Variants in CERT1 observed in about 807,000 individuals in gnomAD.
CERT1 encodes ceramide transporter 1.
CERT1 carries 31 observed loss-of-function variants against 87.9 expected under a neutral mutation model. The ratio of observed to expected loss-of-function variants is 0.35; its 90% confidence interval spans 0.27 to 0.48. CERT1 has a LOEUF of 0.48. Ranked by LOEUF, CERT1 falls within the 20% of genes least tolerant of loss-of-function variation. The pLI, the probability that CERT1 is intolerant of heterozygous loss-of-function variation, is 0.99. For synonymous variants in CERT1, 289 were observed against 250.9 expected (o/e 1.15, Z -1.44); for missense variants, 487 against 758.0 (o/e 0.64, Z 4.20).
intron 3 of CERT1, among the ~76,000 whole-genome samples, chr5:75,428,439 T>C (rs970268508): frequency 6.6e-6 from 1 of 152,076 alleles, no homozygotes; most frequent in African/African-American, 2.4e-5. Context: ...AGCACTTTGG[T>C]AGGCCAAGGC....
intron 8 of CERT1, among the ~76,000 whole-genome samples, chr5:75,407,605 C>T (rs1040242961): frequency 7.3e-5 from 11 of 151,398 alleles, no homozygotes; most frequent in Admixed American, 2.0e-4. Flanking sequence ...AAAAAAGAAA[C>T]GTGGCAGCCA....
intron 1 of CERT1, among the ~76,000 whole-genome samples, chr5:75,509,647 TTA>T (rs942305660): frequency 1.4e-4 from 22 of 152,018 alleles, no homozygotes; most frequent in African/African-American, 3.6e-4. Flanking sequence ...AAAAAAGTAA[TTA>T]TCAGTAGGTC....
chr5:75,450,567 A>C (rs1054034861), intron 3 of CERT1, among the ~76,000 whole-genome samples: 5 of 152,156 alleles, frequency 3.3e-5, no homozygotes, highest in African/African-American at 2.4e-5. Context: ...TCCCGAAGAG[A>C]CTGAGTCTAG....
chr5:75,381,361 C>A (rs1761577755), intron 15 of CERT1, among the ~76,000 whole-genome samples, 160 bp from the exon 16 acceptor site: 1 of 151,892 alleles, frequency 6.6e-6, no homozygotes, highest in Admixed American at 6.6e-5. Context: ...TCCTCCCCAC[C>A]CACTTTTTCT....
At chr5:75,403,213 TCTGTGTA>T (rs1240559501) in intron 8 of CERT1, among the ~76,000 whole-genome samples, 155 bp from the exon 9 acceptor site, 22 of 152,274 alleles carry the variant, frequency 1.4e-4, no homozygotes, top group African/African-American at 5.1e-4. Flanking sequence ...ATATGCATGC[TCTGTGTA>T]AAATCACGAG....
At chr5:75,406,952 T>C (rs1762729779) in intron 8 of CERT1, among the ~76,000 whole-genome samples, 1 of 152,152 alleles carries the variant, frequency 6.6e-6, no homozygotes, top group Admixed American at 6.5e-5. Flanking sequence ...ATCATGAATG[T>C]CTGATTATAA....
intron 3 of CERT1, among the ~76,000 whole-genome samples, chr5:75,445,791 G>A (rs573549863): frequency 5.9e-5 from 9 of 152,204 alleles, no homozygotes; most frequent in African/African-American, 1.7e-4. Context: ...CACCATGCCT[G>A]GCTCCACAAA....
chr5:75,461,061 A>T (rs1339828183), intron 2 of CERT1, among the ~76,000 whole-genome samples: 1 of 152,230 alleles, frequency 6.6e-6, no homozygotes, highest in Non-Finnish European at 1.5e-5. Context: ...ATAAATATCC[A>T]GGCATGTTAA....
chr5:75,389,300 A>G (rs1401200366), intron 12 of CERT1, among the ~76,000 whole-genome samples: 1 of 152,224 alleles, frequency 6.6e-6, no homozygotes, highest in Non-Finnish European at 1.5e-5. Flanking sequence ...CCATCAGCTA[A>G]TTGTGACCTG....
In CERT1 at chr5:75,416,840, GT is replaced by G. The variant is rs766002093; in HGVS notation, c.837+35del. 7 of 1,522,668 alleles carry G rather than the reference GT, an allele frequency of 4.6e-6. No homozygotes were observed. In the African/African-American group the frequency reaches 9.9e-5, roughly 22 times the overall value. The allele number at this position is 1,522,668 out of a possible 1,614,324, so 94.3% of individuals were successfully genotyped here. ...TTCAAACAATACGTAAAACTTAAAT[GT>G]GATTATTTTTAAAAGGAAAAAAACC... On this transcript the variant is annotated intron_variant, in intron 7 of 16. Transcript: ENST00000643780.
intron 1 of CERT1, among the ~76,000 whole-genome samples, chr5:75,509,658 T>C (rs1767825087): frequency 6.6e-6 from 1 of 151,930 alleles, no homozygotes; most frequent in African/African-American, 2.4e-5. Context: ...TATCAGTAGG[T>C]CAAAAGTACA....
intron 3 of CERT1, among the ~76,000 whole-genome samples, chr5:75,453,465 A>G (rs1764842292): frequency 6.6e-6 from 1 of 152,198 alleles, no homozygotes; most frequent in South Asian, 2.1e-4. Context: ...ATTTATGTCA[A>G]CAAAACATAA....
chr5:75,461,766 G>GT (rs1261919929), intron 2 of CERT1, among the ~76,000 whole-genome samples: 2 of 146,218 alleles, frequency 1.4e-5, no homozygotes, highest in Non-Finnish European at 3.0e-5. Context: ...AGCATGAATT[G>GT]TAAGTGGTAT....
intron 3 of CERT1, among the ~76,000 whole-genome samples, chr5:75,456,757 C>T (rs1765003251): frequency 6.6e-6 from 1 of 150,962 alleles, no homozygotes; most frequent in East Asian, 2.0e-4. Context: ...AAAAATCACT[C>T]AAAATTTGTT....
At chr5:75,380,613 C>A in intron 16 of CERT1, among the ~76,000 whole-genome samples, 1 of 151,548 alleles carries the variant, frequency 6.6e-6, no homozygotes, top group Non-Finnish European at 1.5e-5. Flanking sequence ...ATGGTGAAAC[C>A]CCGTCTCTAC....
chr5:75,446,663 A>AT (rs1764549201), intron 3 of CERT1, among the ~76,000 whole-genome samples: 1 of 151,450 alleles, frequency 6.6e-6, no homozygotes, highest in African/African-American at 2.4e-5. Context: ...GTTATTTGTT[A>AT]TTGTTATTTT....
At chr5:75,375,846 T>C (rs1180343862), downstream of CERT1, 1 of 150,212 alleles carries the variant, frequency 6.7e-6, no homozygotes, top group Non-Finnish European at 1.5e-5. Flanking sequence ...TCCATAATTA[T>C]TGTAAAAAAA....
intron 2 of CERT1, among the ~76,000 whole-genome samples, chr5:75,473,072 G>A (rs551276255): frequency 2.6e-5 from 4 of 152,084 alleles, no homozygotes; most frequent in South Asian, 2.1e-4. Flanking sequence ...GGAATACTAC[G>A]CAGCCATTTT....
intron 11 of CERT1, among the ~76,000 whole-genome samples, chr5:75,395,730 C>T (rs1358656574): frequency 2.6e-5 from 4 of 151,814 alleles, no homozygotes; most frequent in African/African-American, 9.7e-5. Flanking sequence ...GGTGTGATAG[C>T]GTGTGCCTGT....
Sources: gnomAD v4.1 joint callset for allele counts (sites outside exome capture counted in the v4.1 genomes callset) on GRCh38, gnomAD v4.1.1 for gene constraint, MANE v1.5 for transcripts, NCBI Gene and HGNC (gene_info 2026-07-23, HGNC 2026-07-21) for gene names.